FABP6: variants seen among roughly 807,000 people sequenced by gnomAD.
FABP6 encodes gastrotropin.
Under a neutral mutation model 14.9 loss-of-function variants are expected in FABP6, and 13 were observed. The ratio of observed to expected loss-of-function variants is 0.87; its 90% CI spans 0.57 to 1.39. The LOEUF is 1.39. Ranked by LOEUF, FABP6 falls within the 40% of genes most tolerant of loss-of-function variation. FABP6 has a pLI of 0.00. For missense variants in FABP6, 161 were observed against 167.2 expected (o/e 0.96, Z 0.20); for synonymous variants, 75 against 63.6 (o/e 1.18, Z -0.85).
At chr5:160,226,298 C>T (rs1490371207), upstream of FABP6, among the ~76,000 whole-genome samples, 1 of 151,886 alleles carries the variant, frequency 6.6e-6, no homozygotes, top group Admixed American at 6.6e-5. Flanking sequence ...CGCGGTGGCT[C>T]ACGCCTGTAG....
chr5:160,237,826 G>T (rs533923889), intron 3 of FABP6, among the ~76,000 whole-genome samples: 1 of 152,132 alleles, frequency 6.6e-6, no homozygotes, highest in Non-Finnish European at 1.5e-5. Flanking sequence ...TCTGTGCCAT[G>T]TGCTTCCTCT....
chr5:160,237,506 C>T (rs1015644892), intron 3 of FABP6, among the ~76,000 whole-genome samples: 3 of 152,100 alleles, frequency 2.0e-5, no homozygotes, highest in Admixed American at 6.6e-5. Context: ...CCCCACTTCT[C>T]CACCAATAGA....
chr5:160,206,123 G>A (rs947255043), intron 2 of FABP6, among the ~76,000 whole-genome samples: 2 of 152,074 alleles, frequency 1.3e-5, no homozygotes, highest in Non-Finnish European at 1.5e-5. Flanking sequence ...ACATGTGCAC[G>A]CTGTTTACAT....
chr5:160,214,477 C>T (rs1158191347), intron 3 of FABP6, among the ~76,000 whole-genome samples: 1 of 151,608 alleles, frequency 6.6e-6, no homozygotes. Flanking sequence ...AAGTGGATTT[C>T]GTTTTCTTTT....
In FABP6 at chr5:160,234,801, T is replaced by C. The variant is rs373437902; in HGVS notation, c.244-19T>C. The C allele has an allele frequency of 3.3e-5, 53 of 1,588,092 alleles. No individual in the cohort carries two copies. In the African/African-American group the frequency reaches 5.9e-4, roughly 18 times the overall value. On this transcript the variant is annotated intron_variant, in intron 2 of 3. Coordinates refer to ENST00000402432, the MANE Select transcript of FABP6 (RefSeq NM_001445.3). ...ATCACCTGCAACAACCCAGGCTTAA[T>C]GTTGTGCTTCCATTCCAGGCCACTG...
At chr5:160,209,541 A>G (rs2113099117) in intron 2 of FABP6, among the ~76,000 whole-genome samples, 1 of 152,092 alleles carries the variant, frequency 6.6e-6, no homozygotes, top group Admixed American at 6.5e-5. Flanking sequence ...AAATAAATAA[A>G]TAAAGCCAGT....
intron 1 of FABP6, among the ~76,000 whole-genome samples, chr5:160,192,655 G>C (rs935237111): frequency 2.0e-5 from 3 of 152,264 alleles, no homozygotes; most frequent in Non-Finnish European, 4.4e-5. Context: ...CAGCCACAGA[G>C]ACACAGGCTC....
exon 2 of FABP6, chr5:160,199,067 C>T: frequency 6.2e-7 from 1 of 1,613,058 alleles, no homozygotes; most frequent in Non-Finnish European, 8.5e-7. Context: ...CCTCTGGCTC[C>T]AGGGAGCTCA....
At chr5:160,198,871 A>T in intron 1 of FABP6, 1 of 563,618 alleles carries the variant, frequency 1.8e-6, no homozygotes, top group Non-Finnish European at 3.2e-6. Flanking sequence ...AGCACTTTTG[A>T]CTTTATCTTC....
intron 2 of FABP6, among the ~76,000 whole-genome samples, chr5:160,200,349 G>C (rs1367418387): frequency 6.6e-6 from 1 of 151,980 alleles, no homozygotes; most frequent in Non-Finnish European, 1.5e-5. Context: ...AGTTCTTTCT[G>C]CCGTTGTGGG....
chr5:160,204,442 T>C (rs1251777079), intron 2 of FABP6, among the ~76,000 whole-genome samples: 4 of 152,188 alleles, frequency 2.6e-5, no homozygotes, highest in African/African-American at 9.6e-5. Flanking sequence ...TCAGCCCATG[T>C]CTTTCCTCCC....
chr5:160,237,499 C>A (rs1007929003), intron 3 of FABP6, among the ~76,000 whole-genome samples: 2 of 152,082 alleles, frequency 1.3e-5, no homozygotes, highest in Non-Finnish European at 2.9e-5. Context: ...GGCACCTCCC[C>A]ACTTCTCCAC....
chr5:160,234,993 C>A, intron 3 of FABP6, 84 bp downstream of exon 3: 1 of 1,209,478 alleles, frequency 8.3e-7, no homozygotes, highest in Non-Finnish European at 1.2e-6. Context: ...GGCCTCTACG[C>A]AGCTGGCTTT....
chr5:160,188,495 A>G (rs1014219100), intron 1 of FABP6, among the ~76,000 whole-genome samples: 1 of 152,162 alleles, frequency 6.6e-6, no homozygotes, highest in Admixed American at 6.5e-5. Context: ...CAGGAACTGC[A>G]GGGAGGCCAC....
chr5:160,196,313 C>T (rs1759507761), intron 1 of FABP6, among the ~76,000 whole-genome samples: 1 of 152,204 alleles, frequency 6.6e-6, no homozygotes, highest in South Asian at 2.1e-4. Flanking sequence ...GCGGTGACAA[C>T]CTCAACTACA....
intron 1 of FABP6, among the ~76,000 whole-genome samples, chr5:160,191,981 G>GA (rs1170201655): frequency 2.7e-5 from 4 of 148,604 alleles, no homozygotes; most frequent in Admixed American, 1.3e-4. Flanking sequence ...CTCAAAAAAA[G>GA]AAAAAAAAGA....
At chr5:160,235,255 A>G (rs2113148636) in intron 3 of FABP6, among the ~76,000 whole-genome samples, 1 of 152,298 alleles carries the variant, frequency 6.6e-6, no homozygotes, top group African/African-American at 2.4e-5. Context: ...TTCCCAGAAT[A>G]TAAATAAAGG....
intron 3 of FABP6, among the ~76,000 whole-genome samples, chr5:160,215,264 G>T (rs544228048): frequency 6.6e-6 from 1 of 152,002 alleles, no homozygotes; most frequent in Admixed American, 6.6e-5. Context: ...CTGTAATCCC[G>T]GCACTTTGGG....
intron 2 of FABP6, among the ~76,000 whole-genome samples, chr5:160,212,669 C>T (rs905131179): frequency 1.3e-5 from 2 of 152,128 alleles, no homozygotes; most frequent in Admixed American, 1.3e-4. Context: ...CAGGGTTTCA[C>T]CGTGTTAGCC....
Sources: gnomAD v4.1 joint callset for allele counts (sites outside exome capture counted in the v4.1 genomes callset) on GRCh38, gnomAD v4.1.1 for gene constraint, MANE v1.5 for transcripts, NCBI Gene and HGNC (gene_info 2026-07-23, HGNC 2026-07-21) for gene names.